The following L3MBTL4 variants were observed in gnomAD, a reference collection of about 807,000 sequenced individuals.
L3MBTL4 encodes L3MBTL histone methyl-lysine binding protein 4, also known as lethal(3)malignant brain tumor-like protein 4.
L3MBTL4 carries 70 observed loss-of-function variants against 84.5 expected under a neutral mutation model. The ratio of observed to expected loss-of-function variants is 0.83; its 90% CI spans 0.68 to 1.01. The LOEUF (loss-of-function observed/expected upper bound fraction) is 1.01. Among genes scored for constraint, L3MBTL4 ranks in the 50% least tolerant of loss-of-function variants. L3MBTL4 has a pLI of 0.00. For missense variants in L3MBTL4, 715 were observed against 754.8 expected (o/e 0.95, Z 0.62); for synonymous variants, 274 against 259.8 (o/e 1.05, Z -0.52).
At chr18:6,145,847 C>G (rs1425173305) in intron 13 of L3MBTL4, among the ~76,000 whole-genome samples, 1 of 152,146 alleles carries the variant, frequency 6.6e-6, no homozygotes, top group East Asian at 1.9e-4. Context: ...AGGCCCTGCC[C>G]CGGGAGCTTA....
chr18:6,061,501 C>G (rs1203694949), intron 16 of L3MBTL4, among the ~76,000 whole-genome samples: 1 of 151,900 alleles, frequency 6.6e-6, no homozygotes, highest in East Asian at 1.9e-4. Flanking sequence ...TAAAGTCCAA[C>G]TTATCTAGTT....
At chr18:6,379,854 C>T (rs1052338653) in intron 1 of L3MBTL4, among the ~76,000 whole-genome samples, 1 of 152,192 alleles carries the variant, frequency 6.6e-6, no homozygotes, top group Admixed American at 6.5e-5. Flanking sequence ...GGAGGATTCT[C>T]TCTTTTTCTA....
intron 1 of L3MBTL4, among the ~76,000 whole-genome samples, chr18:6,371,399 T>C (rs1217886239): frequency 6.6e-6 from 1 of 152,152 alleles, no homozygotes; most frequent in African/African-American, 2.4e-5. Context: ...GGTTACTCTG[T>C]AAGCGAGACC....
At chr18:6,301,792 T>A in intron 4 of L3MBTL4, 111 bp downstream of exon 4, 1 of 826,984 alleles carries the variant, frequency 1.2e-6, no homozygotes, top group South Asian at 1.4e-5. Flanking sequence ...ATGGTAGATA[T>A]TATTATCACA....
chr18:6,017,961 G>A (rs1437193833), intron 16 of L3MBTL4: 1 of 152,184 alleles, frequency 6.6e-6, no homozygotes. Flanking sequence ...ACAAAAAAAT[G>A]TCCTGTGCAC....
At chr18:6,215,636 T>C in intron 11 of L3MBTL4, 114 bp downstream of exon 11, 2 of 515,448 alleles carry the variant, frequency 3.9e-6, no homozygotes, top group Non-Finnish European at 6.7e-6. Context: ...GGTTATGAAA[T>C]TACTACTTGA....
chr18:6,400,405 G>A (rs905986020), intron 1 of L3MBTL4, among the ~76,000 whole-genome samples: 4 of 152,084 alleles, frequency 2.6e-5, no homozygotes, highest in Non-Finnish European at 4.4e-5. Flanking sequence ...AAAAATCCAT[G>A]GGTTAGGTGT....
chr18:6,190,298 C>T (rs1335736160), intron 12 of L3MBTL4, among the ~76,000 whole-genome samples: 7 of 152,126 alleles, frequency 4.6e-5, no homozygotes, highest in African/African-American at 1.2e-4. Flanking sequence ...TGTTGGCTGA[C>T]GAGGCTTTGA....
chr18:6,382,263 C>T (rs2054622049), intron 1 of L3MBTL4, among the ~76,000 whole-genome samples: 1 of 152,142 alleles, frequency 6.6e-6, no homozygotes, highest in Admixed American at 6.5e-5. Context: ...AGCTTCCTTG[C>T]ATTGGGTTAG....
At chr18:6,389,903 T>A (rs530885019) in intron 1 of L3MBTL4, among the ~76,000 whole-genome samples, 19 of 152,088 alleles carry the variant, frequency 1.2e-4, no homozygotes, top group Non-Finnish European at 2.5e-4. Context: ...AGACAGAATG[T>A]CAACAAAGAA....
At chr18:6,269,101 A>ATGG (rs2048757644) in intron 4 of L3MBTL4, among the ~76,000 whole-genome samples, 1 of 152,238 alleles carries the variant, frequency 6.6e-6, no homozygotes, top group Non-Finnish European at 1.5e-5. Flanking sequence ...TAAAAGCACC[A>ATGG]TAAAATTAAG....
intron 16 of L3MBTL4, chr18:6,031,884 T>C: frequency 1.0e-6 from 1 of 964,716 alleles, no homozygotes; most frequent in Non-Finnish European, 1.2e-6. Flanking sequence ...TATTGCATAG[T>C]GATGAAGCCT....
At chr18:6,098,680 T>C (rs766274274) in intron 14 of L3MBTL4, among the ~76,000 whole-genome samples, 2 of 152,176 alleles carry the variant, frequency 1.3e-5, no homozygotes, top group Non-Finnish European at 2.9e-5. Context: ...ACACAGACTG[T>C]AAAGGGTTCT....
At chr18:6,257,631 T>C (rs902491706) in intron 5 of L3MBTL4, among the ~76,000 whole-genome samples, 7 of 150,764 alleles carry the variant, frequency 4.6e-5, no homozygotes, top group Non-Finnish European at 1.0e-4. Flanking sequence ...TTTTTTCTTT[T>C]TCTTTTTCTT....
At chr18:6,291,248 C>T (rs1234311810) in intron 4 of L3MBTL4, among the ~76,000 whole-genome samples, 1 of 152,138 alleles carries the variant, frequency 6.6e-6, no homozygotes, top group Non-Finnish European at 1.5e-5. Context: ...CTAAGAAATC[C>T]TTTCAGTTCA....
chr18:6,006,046 T>A (rs866573691), intron 16 of L3MBTL4, among the ~76,000 whole-genome samples: 1 of 151,974 alleles, frequency 6.6e-6, no homozygotes, highest in Non-Finnish European at 1.5e-5. Flanking sequence ...AAGCCACATC[T>A]ATAACATATG....
At chr18:6,374,225 C>G (rs982094668) in intron 1 of L3MBTL4, 9 of 152,442 alleles carry the variant, frequency 5.9e-5, no homozygotes, top group African/African-American at 2.2e-4. Context: ...GTGACTTGGG[C>G]GAGTCACTTA....
Position 6,266,814 on chromosome 18 carries a change from T to C in L3MBTL4, c.128-2776A>G, listed in dbSNP as rs548157199. Among the ~76,000 whole-genome samples the C allele has an allele frequency of 2.8e-3, 424 of 152,132 alleles. 2 individuals carry two copies. The highest frequency in any genetic ancestry group is 4.7e-3 in the Non-Finnish European group (320 of 67,994). On this transcript the variant is annotated intron_variant, in intron 4 of 18. Transcript: ENST00000317931. Reference sequence around the variant, plus strand: ...GGTGCATGCCTATAATCCCAGCTACTTGGGAGGCTGAGGCAGGAGAATTGC... The same window carrying C: ...GGTGCATGCCTATAATCCCAGCTACCTGGGAGGCTGAGGCAGGAGAATTGC...
At chr18:6,068,571 A>G (rs1427940108) in intron 16 of L3MBTL4, among the ~76,000 whole-genome samples, 1 of 152,066 alleles carries the variant, frequency 6.6e-6, no homozygotes, top group Non-Finnish European at 1.5e-5. Flanking sequence ...AGGAGTTGTG[A>G]CTCTGCAAGC....
Sources: allele counts gnomAD v4.1 joint callset (sites outside exome capture counted in the v4.1 genomes callset), GRCh38; gene constraint gnomAD v4.1.1; transcripts MANE v1.5; gene names NCBI Gene and HGNC (gene_info 2026-07-23, HGNC 2026-07-21).